Variants in PALM observed in about 807,000 individuals in gnomAD.
The protein encoded by PALM is paralemmin-1.
In PALM, 18 loss-of-function variants were observed where a neutral mutation model predicts 30.7. The observed-to-expected ratio is 0.59, with a 90% CI of 0.41 to 0.87. The LOEUF (loss-of-function observed/expected upper bound fraction) is 0.87, where lower values mean the gene tolerates loss of function less well. Ranked by LOEUF, PALM falls within the 40% of genes least tolerant of loss-of-function variation. The pLI, the probability that PALM is intolerant of heterozygous loss-of-function variation, is 0.00. For synonymous variants in PALM, 286 were observed against 242.8 expected, an observed-to-expected ratio of 1.18 and a Z score of -1.66; for missense variants, 529 against 555.4, an observed-to-expected ratio of 0.95 and a Z score of 0.48.
At chr19:727,149 G>T in intron 3 of PALM, 61 bp downstream of exon 3, 1 of 1,148,662 alleles carries the variant, frequency 8.7e-7, no homozygotes, top group South Asian at 1.3e-5. Context: ...CGGAGGCCCC[G>T]GACTCCTGCC....
At chr19:743,285 G>C (rs768171441) in intron 8 of PALM, among the ~76,000 whole-genome samples, 4 of 152,122 alleles carry the variant, frequency 2.6e-5, no homozygotes, top group Non-Finnish European at 5.9e-5. Flanking sequence ...CTCGTCTTCC[G>C]GATGAGGTCC....
Position 709,006 on chromosome 19 carries a change from C to A in PALM, c.-141C>A. On this transcript the variant is annotated 5_prime_UTR_variant, in exon 1 of 9. Coordinates refer to ENST00000338448, the MANE Select transcript of PALM (RefSeq NM_002579.3). This position sits in a 1 kb window ranked among gnomAD's most constrained non-coding sequence, Gnocchi z 4.3. ...ATGCCCGAGCCGGTGCCGCCGCCCC[C>A]GCGCCGCGCAGCCCCGGCCGCCAGG... The A allele has an allele frequency of 6.7e-6, 1 of 150,164 alleles. No individual in the cohort carries two copies. The highest frequency in any genetic ancestry group is 1.8e-4 in the South Asian group (1 of 5,650). 9.3% of individuals were successfully genotyped at this position (150,164 alleles called of 1,614,324 possible). A position where few individuals can be genotyped will look rare whatever the true frequency, so the allele number is the denominator to read the frequency against.
At position 747,843 on chromosome 19, in the gene PALM, G is replaced by T. The variant is rs1465351615; in HGVS notation, c.*1029G>T. 6.6e-6 allele frequency: 1 copy of T among 152,600 alleles called. No homozygotes were observed. The highest frequency in any genetic ancestry group is 6.5e-5 in the Admixed American group (1 of 15,284). The allele number at this position is 152,600 out of a possible 1,614,324, so 9.5% of individuals were successfully genotyped here. A position where few individuals can be genotyped will look rare whatever the true frequency, so the allele number is the denominator to read the frequency against. ...TTGCCACCCAGACCAATGTGAGCCT[G>T]CCCCCAGCCCCCTCTCATTGGAAGT... On this transcript the variant is annotated 3_prime_UTR_variant, in exon 9 of 9. Transcript: ENST00000338448.
intron 1 of PALM, among the ~76,000 whole-genome samples, chr19:721,468 G>C (rs1479874595): frequency 6.6e-6 from 1 of 151,868 alleles, no homozygotes; most frequent in Non-Finnish European, 1.5e-5. Flanking sequence ...GTTTTGCCTT[G>C]TTGGCCAGGA....
At position 736,074 on chromosome 19, in the gene PALM, G is replaced by A; in HGVS notation, c.498G>A (p.Lys166=). Residue 166 remains lysine (K), a synonymous_variant, in exon 7 of 9, where the codon AAG becomes AAA. Transcript: ENST00000338448. The part of the protein sequence containing the change: ...LRTVDGSPMM[K]AAMYSVEITV... ...CGGTTGACGGCTCCCCCATGATGAAGGCAGGTGGGTTGGCCCCCAGGCTCT... is the reference window on the plus strand; with the variant it reads ...CGGTTGACGGCTCCCCCATGATGAAAGCAGGTGGGTTGGCCCCCAGGCTCT... 1 of 1,608,534 alleles carries A rather than the reference G, an allele frequency of 6.2e-7. No individual in the cohort carries two copies. The highest frequency in any genetic ancestry group is 8.5e-7 in the Non-Finnish European group (1 of 1,177,100).
At position 727,225 on chromosome 19, in the gene PALM, C is replaced by CGACCCCAACCCT. The variant is rs1568225332; in HGVS notation, c.138+142_138+143insCAACCCTGACCC. 5.6e-6 allele frequency: 3 copies of CGACCCCAACCCT among 539,662 alleles called. No individual in the cohort carries two copies. The African/African-American group carries it at 7.9e-5, about 14-fold the overall frequency. 33.4% of individuals were successfully genotyped at this position (539,662 alleles called of 1,614,324 possible). The stretch of plus-strand genomic sequence containing the variant: ...CTGCCTCCAGCCCTGACCCTGACCC[C>CGACCCCAACCCT]GACCCTGACCCCGACCCCGACCCCG... On this transcript the variant is annotated intron_variant, in intron 3 of 8. Coordinates refer to ENST00000338448, the MANE Select transcript of PALM (RefSeq NM_002579.3).
At chr19:717,775 G>T (rs1314284665) in intron 1 of PALM, among the ~76,000 whole-genome samples, 1 of 152,080 alleles carries the variant, frequency 6.6e-6, no homozygotes, top group Non-Finnish European at 1.5e-5. Context: ...ACCTCTGGGT[G>T]GGGGCTTCCT....
intron 3 of PALM, 110 bp downstream of exon 3, chr19:727,198 C>A: frequency 1.3e-6 from 1 of 747,498 alleles, no homozygotes; most frequent in Non-Finnish European, 2.2e-6. Flanking sequence ...CTGACCCTGA[C>A]CCTGCCTCCA....
Position 746,971 on chromosome 19 carries a change from G to C in PALM, c.*157G>C, listed in dbSNP as rs1441397256. 1.6e-6 allele frequency: 1 copy of C among 617,218 alleles called. No homozygotes were observed. The highest frequency in any genetic ancestry group is 2.8e-6 in the Non-Finnish European group (1 of 353,652). 38.2% of individuals were successfully genotyped at this position (617,218 alleles called of 1,614,324 possible). On this transcript the variant is annotated 3_prime_UTR_variant, in exon 9 of 9. Transcript: ENST00000338448. The surrounding 1 kb of genome is among the most constrained non-coding windows in gnomAD (Gnocchi z 7.1). ...CGAGTTTTCTTTCGCTGGAAAGAGG[G>C]ACAGGGGCCCCCACCCGTCACCACG...
At chr19:724,944 G>A (rs1480943155) in intron 1 of PALM, among the ~76,000 whole-genome samples, 1 of 151,832 alleles carries the variant, frequency 6.6e-6, no homozygotes, top group Admixed American at 6.6e-5. Flanking sequence ...TTTTGCGACA[G>A]GGTCTCACTC....
In PALM at chr19:736,194, C is replaced by T. The variant is rs558841363; in HGVS notation, c.502+116C>T. 1,112 of 729,896 alleles carry T rather than the reference C, an allele frequency of 1.5e-3. 6 individuals are homozygous for T. Among genetic ancestry groups the T allele is most frequent in the Middle Eastern group, 4.2e-3 (14 of 3,350 alleles). 45.2% of individuals were successfully genotyped at this position (729,896 alleles called of 1,614,324 possible). ...CCGACCTGCTCTCCGCAGCGTCTGA[C>T]GGGGCCGTGGTTATGGGGGTGGCAG... is the stretch of plus-strand genomic sequence containing the variant. On this transcript the variant is annotated intron_variant, in intron 7 of 8. Coordinates refer to ENST00000338448, the MANE Select transcript of PALM (RefSeq NM_002579.3).
rs1423004795 is a variant in PALM at position 734,166 on chromosome 19, C to T, written c.421-7C>T. ...CGCCCCTGACCCTTCTCTCTTCTTTCTTGCAGACGCCGGTGGGCACGCCCA... is the reference window on the plus strand; with the variant it reads ...CGCCCCTGACCCTTCTCTCTTCTTTTTTGCAGACGCCGGTGGGCACGCCCA... On this transcript the variant is annotated splice_region_variant and splice_polypyrimidine_tract_variant and intron_variant, in intron 5 of 8. Transcript: ENST00000338448. The T allele has an allele frequency of 6.2e-7, 1 of 1,613,976 alleles. No homozygotes were observed. Among genetic ancestry groups the T allele is most frequent in the East Asian group, 2.2e-5 (1 of 44,872 alleles).
At position 746,817 on chromosome 19, in the gene PALM, CG is replaced by C; in HGVS notation, c.*5del. 6.6e-7 allele frequency: 1 copy of C among 1,511,502 alleles called. No individual in the cohort carries two copies. The highest frequency in any genetic ancestry group is 8.8e-7 in the Non-Finnish European group (1 of 1,132,206). 93.6% of individuals were successfully genotyped at this position (1,511,502 alleles called of 1,614,324 possible). On this transcript the variant is annotated 3_prime_UTR_variant, in exon 9 of 9. Transcript: ENST00000338448. The surrounding 1 kb of genome is among the most constrained non-coding windows in gnomAD (Gnocchi z 7.1). ...GTAAATGCTGCTCCATCATGTGAGC[CG>C]GCCCCCGAGACCCCGGCCCCCACCC...
At chr19:726,113 G>A (rs1239193235) in intron 1 of PALM, 25 bp from the exon 2 acceptor site, 3 of 1,601,902 alleles carry the variant, frequency 1.9e-6, no homozygotes, top group South Asian at 2.2e-5. Context: ...GTGAACCAGA[G>A]CTTGACCTTA....
At chr19:720,375 C>G (rs1265078796) in intron 1 of PALM, among the ~76,000 whole-genome samples, 1 of 135,306 alleles carries the variant, frequency 7.4e-6, no homozygotes, top group Non-Finnish European at 1.6e-5. Flanking sequence ...GGCGTCCAGG[C>G]CCGGGGAGGG....
intron 7 of PALM, among the ~76,000 whole-genome samples, chr19:737,156 C>T (rs941309972): frequency 6.6e-5 from 10 of 152,202 alleles, no homozygotes; most frequent in Admixed American, 5.9e-4. Flanking sequence ...CCCAGGTCTC[C>T]AGCACGGTCC....
At chr19:726,985 A>AACCCCCCC in intron 2 of PALM, 23 bp from the exon 3 acceptor site, 1 of 945,366 alleles carries the variant, frequency 1.1e-6, no homozygotes, top group Non-Finnish European at 1.6e-6. Context: ...CCCATCCCTG[A>AACCCCCCC]CCCCACCCGG....
rs529538673 is a variant in PALM at position 709,935 on chromosome 19, C to G, written c.5+784C>G. 8.7e-4 allele frequency among the ~76,000 whole-genome samples: 132 copies of G among 151,786 alleles called. 1 individual carries two copies. Among genetic ancestry groups the G allele is most frequent in the Middle Eastern group, 6.8e-3 (2 of 294 alleles). Reference sequence around the variant, plus strand: ...GTGGGGGGGGGGTGGCCAGTGGAGGCACCGAGCGAGGGCGCGTGGTCATTT... The same window carrying G: ...GTGGGGGGGGGGTGGCCAGTGGAGGGACCGAGCGAGGGCGCGTGGTCATTT... On this transcript the variant is annotated intron_variant, in intron 1 of 8. Coordinates refer to ENST00000338448, the MANE Select transcript of PALM (RefSeq NM_002579.3). The surrounding 1 kb of genome is among the most constrained non-coding windows in gnomAD (Gnocchi z 4.3).
chr19:733,518 G>A (rs1343740771), intron 5 of PALM, among the ~76,000 whole-genome samples: 5 of 152,310 alleles, frequency 3.3e-5, no homozygotes, highest in South Asian at 2.1e-4. Flanking sequence ...AGGGCAGAAC[G>A]GGTTCAGACA....
Sources: gnomAD v4.1 joint callset for allele counts (sites outside exome capture counted in the v4.1 genomes callset) on GRCh38, gnomAD v4.1.1 for gene constraint, Gnocchi (gnomAD v3.1) non-coding constraint, MANE v1.5 for transcripts, NCBI Gene and HGNC (gene_info 2026-07-23, HGNC 2026-07-21) for gene names.